Variants in MYRF observed in about 807,000 individuals in gnomAD.
The protein encoded by MYRF is myelin gene regulatory factor.
In MYRF, 16 loss-of-function variants were observed where a neutral mutation model predicts 126.3. The observed-to-expected ratio is 0.13, with a 90% CI of 0.09 to 0.19. MYRF has a LOEUF of 0.19. MYRF is among the 10% of genes least tolerant of loss of function. MYRF has a pLI of 1.00. For synonymous variants in MYRF, 608 were observed against 635.3 expected, an observed-to-expected ratio of 0.96 and a Z score of 0.65; for missense variants, 1,104 against 1,547.0, an observed-to-expected ratio of 0.71 and a Z score of 4.80.
intron 1 of MYRF, among the ~76,000 whole-genome samples, chr11:61,765,182 A>C (rs906960444): frequency 1.3e-5 from 2 of 152,194 alleles, no homozygotes; most frequent in African/African-American, 4.8e-5. Context: ...GTTGGGTCCG[A>C]GCCATCCCAT....
rs2066729956 is a variant in MYRF, at chr11:61,787,879, C to T, written c.*1736C>T. On this transcript the variant is annotated 3_prime_UTR_variant, in exon 27 of 27. Transcript: ENST00000278836. Reference sequence around the variant, plus strand: ...GTTCTTGGACTGCGGGCCCTCAGTCCTTAACTGGAAAGTGACCGTCCACTG... The same window carrying T: ...GTTCTTGGACTGCGGGCCCTCAGTCTTTAACTGGAAAGTGACCGTCCACTG... The T allele has an allele frequency of 6.5e-6, 1 of 152,692 alleles. No homozygotes were observed. The highest frequency in any genetic ancestry group is 6.5e-5 in the Admixed American group (1 of 15,284). 9.5% of individuals were successfully genotyped at this position (152,692 alleles called of 1,614,324 possible). A position where few individuals can be genotyped will look rare whatever the true frequency, so the allele number is the denominator to read the frequency against.
At chr11:61,785,928 G>A (rs1402894451) in intron 26 of MYRF, 54 bp downstream of exon 26, 31 of 1,582,236 alleles carry the variant, frequency 2.0e-5, no homozygotes, top group South Asian at 1.5e-4. Flanking sequence ...TGTCTGCGAC[G>A]TGGGGCTTGA....
rs1362996582 is a variant in MYRF, at chr11:61,776,597, G to C, written c.1499+165G>C. 6.6e-6 allele frequency among the ~76,000 whole-genome samples: 1 copy of C among 152,134 alleles called. No individual in the cohort carries two copies. The highest frequency in any genetic ancestry group is 2.1e-4 in the South Asian group (1 of 4,832). ...TGACTTAAGGATGGGAAGAGCAGAAGCCTGGCTTCTGGGTTGAGAAACAGC... is the reference window on the plus strand; with the variant it reads ...TGACTTAAGGATGGGAAGAGCAGAACCCTGGCTTCTGGGTTGAGAAACAGC... On this transcript the variant is annotated intron_variant, in intron 10 of 26. Transcript: ENST00000278836. The surrounding 1 kb of genome is among the most constrained non-coding windows in gnomAD (Gnocchi z 4.3).
rs1042570160 is a variant in MYRF at position 61,755,795 on chromosome 11, C to G, written c.46+3005C>G. On this transcript the variant is annotated intron_variant, in intron 1 of 26. Coordinates refer to ENST00000278836, the MANE Select transcript of MYRF (RefSeq NM_001127392.3). ...GGCACATGAGGCTCGAGTGAGCAAC[C>G]AGTGTCCCCCAGAAAGCAGGTGGGT... 12 of 523,118 alleles carry G rather than the reference C, an allele frequency of 2.3e-5. No homozygotes were observed. The East Asian group carries it at 5.9e-4, about 26-fold the overall frequency. The allele number at this position is 523,118 out of a possible 1,614,324, so 32.4% of individuals were successfully genotyped here.
At chr11:61,760,905 T>G (rs978624838) in intron 1 of MYRF, among the ~76,000 whole-genome samples, 1 of 152,154 alleles carries the variant, frequency 6.6e-6, no homozygotes, top group Non-Finnish European at 1.5e-5. Flanking sequence ...CCTTGACTGC[T>G]ACCACCCTGG....
At chr11:61,754,582 C>G (rs1367352668) in intron 1 of MYRF, 1 of 152,398 alleles carries the variant, frequency 6.6e-6, no homozygotes, top group Non-Finnish European at 1.5e-5. Context: ...ACGCTGGGCC[C>G]TGACAGAGAG....
intron 1 of MYRF, among the ~76,000 whole-genome samples, chr11:61,761,265 G>C (rs527917764): frequency 6.6e-6 from 1 of 151,618 alleles, no homozygotes; most frequent in Non-Finnish European, 1.5e-5. Context: ...CTGGTGGGGG[G>C]GGGGGCACAT....
chr11:61,778,785 A>T lies in MYRF; in HGVS notation c.2013+296A>T, dbSNP rs942034731. The T allele has an allele frequency of 1.7e-6, 1 of 587,202 alleles. No homozygotes were observed. Among genetic ancestry groups the T allele is most frequent in the Non-Finnish European group, 3.2e-6 (1 of 311,674 alleles). 36.4% of individuals were successfully genotyped at this position (587,202 alleles called of 1,614,324 possible). ...TGAGGGCGGTAATAGAACTGCACAG[A>T]CATCCTCGTATGGTTACCTCCAGGC... On this transcript the variant is annotated intron_variant, in intron 14 of 26. Transcript: ENST00000278836. The surrounding 1 kb of genome is among the most constrained non-coding windows in gnomAD (Gnocchi z 4.6).
chr11:61,767,097 T>C (rs758445181), intron 3 of MYRF: 1 of 456,578 alleles, frequency 2.2e-6, no homozygotes, highest in South Asian at 1.5e-5. Context: ...CCTGGGTGCA[T>C]GGTGGCCATG....
At chr11:61,771,423 G>A in intron 5 of MYRF, 77 bp from the exon 6 acceptor site, 1 of 1,542,106 alleles carries the variant, frequency 6.5e-7, no homozygotes, top group Non-Finnish European at 8.7e-7. Flanking sequence ...GCTAGAGAGG[G>A]GAGAGAGGTG....
Position 61,776,423 on chromosome 11 carries a change from C to T in MYRF, c.1490C>T (p.Pro497Leu). ...ATGCGTAAGAAGGGCAAGCCCAACC[C>T]GGACCAGAGGTGAGCAGGTGGGGGC... ...NNMRKKGKPN[P>L]DQRYFMLVVA... is the part of the protein sequence containing the mutation. The change falls in exon 10 of 27, where the codon CCG (proline) becomes CTG (leucine). Residue 497 changes from proline (P) to leucine (L), a missense_variant. Coordinates refer to ENST00000278836, the MANE Select transcript of MYRF (RefSeq NM_001127392.3). This position sits in a 1 kb window ranked among gnomAD's most constrained non-coding sequence, Gnocchi z 4.3. 1.9e-6 allele frequency: 3 copies of T among 1,612,248 alleles called. No homozygotes were observed. Among genetic ancestry groups the T allele is most frequent in the Non-Finnish European group, 2.5e-6 (3 of 1,179,588 alleles).
Position 61,778,861 on chromosome 11 carries a change from A to G in MYRF, c.2013+372A>G, listed in dbSNP as rs943579799. On this transcript the variant is annotated intron_variant, in intron 14 of 26. Transcript: ENST00000278836. This position sits in a 1 kb window ranked among gnomAD's most constrained non-coding sequence, Gnocchi z 4.6. ...CGACGTTTGTCACTTACCTGTCCTG[A>G]GTCTGGGCGCCAAGGAGGCATGTAA... 2.0e-5 allele frequency: 11 copies of G among 547,110 alleles called. No homozygotes were observed. The highest frequency in any genetic ancestry group is 6.7e-5 in the Admixed American group (3 of 45,090). The allele number at this position is 547,110 out of a possible 1,614,324, so 33.9% of individuals were successfully genotyped here.
Position 61,766,214 on chromosome 11 carries a change from G to A in MYRF, c.391G>A (p.Ala131Thr), listed in dbSNP as rs1412304259. The A allele has an allele frequency of 6.2e-7, 1 of 1,605,326 alleles. No homozygotes were observed. The stretch of plus-strand genomic sequence containing the variant: ...CAAGGCTGAGCCCAAGGCTCCCTAT[G>A]CCCCAGGGTGAGTAAGGGCAGGGAG... ...PIKAEPKAPYAPGTLPDSPPD... is the reference protein window; with the variant it reads ...PIKAEPKAPYTPGTLPDSPPD... Residue 131 changes from alanine (A) to threonine (T), a missense_variant, in exon 3 of 27, where the codon GCC (alanine) becomes ACC (threonine). By Grantham distance (58) the Ala-to-Thr change is moderately conservative (BLOSUM62 0). Transcript: ENST00000278836.
chr11:61,761,262 G>GGT lies in MYRF; in HGVS notation c.47-4362_47-4361insTG, dbSNP rs199979096. ...CTCAGCCAACGGCCACAGCTGGTGG[G>GGT]GGGGGGGGCACATAAGCACAAGGAG... On this transcript the variant is annotated intron_variant, in intron 1 of 26. Transcript: ENST00000278836. 3.5e-5 allele frequency among the ~76,000 whole-genome samples: 5 copies of GGT among 144,050 alleles called. No individual in the cohort carries two copies. In the South Asian group the frequency reaches 6.5e-4, roughly 19 times the overall value. 94.5% of individuals were successfully genotyped at this position (144,050 alleles called of 152,430 possible). A position where few individuals can be genotyped will look rare whatever the true frequency, so the allele number is the denominator to read the frequency against.
intron 25 of MYRF, 22 bp from the exon 26 acceptor site, chr11:61,785,778 C>T (rs1396435278): frequency 6.2e-7 from 1 of 1,607,672 alleles, no homozygotes; most frequent in South Asian, 1.1e-5. Context: ...TCTGTCCTGA[C>T]CCCTCTCTCC....
intron 1 of MYRF, among the ~76,000 whole-genome samples, chr11:61,759,427 T>C (rs2065846460): frequency 6.6e-6 from 1 of 152,154 alleles, no homozygotes. Context: ...CCCAGCACTT[T>C]GGGAGGCCGA....
intron 1 of MYRF, among the ~76,000 whole-genome samples, chr11:61,762,835 C>G (rs916137931): frequency 6.6e-6 from 1 of 152,208 alleles, no homozygotes; most frequent in African/African-American, 2.4e-5. Flanking sequence ...CCCCGCAACG[C>G]TGCCCCATCA....
rs371083087 is a variant in MYRF, at chr11:61,776,901, C to A, written c.1590+24C>A. Reference sequence around the variant, plus strand: ...GGGTGAGGGCCACCTCCTCCCAGGGCGTAGACAGCCCTCCCCAGGACTGGG... The same window carrying A: ...GGGTGAGGGCCACCTCCTCCCAGGGAGTAGACAGCCCTCCCCAGGACTGGG... On this transcript the variant is annotated intron_variant, in intron 11 of 26. Transcript: ENST00000278836. This position sits in a 1 kb window ranked among gnomAD's most constrained non-coding sequence, Gnocchi z 4.3. 1 of 1,564,062 alleles carries A rather than the reference C, an allele frequency of 6.4e-7. No individual in the cohort carries two copies.
At position 61,783,972 on chromosome 11, in the gene MYRF, G is replaced by A. The variant is rs1204129406; in HGVS notation, c.3194+47G>A. The A allele has an allele frequency of 6.4e-7, 1 of 1,559,374 alleles. No individual in the cohort carries two copies. Among genetic ancestry groups the A allele is most frequent in the Admixed American group, 1.9e-5 (1 of 53,806 alleles). On this transcript the variant is annotated intron_variant, in intron 24 of 26. Coordinates refer to ENST00000278836, the MANE Select transcript of MYRF (RefSeq NM_001127392.3). This position sits in a 1 kb window ranked among gnomAD's most constrained non-coding sequence, Gnocchi z 4.6. ...TGGGAGGCAGGAGGGGAGCCAGGGA[G>A]AATCTCCCGCAGAGCCTCAGAACAG...
Sources: allele counts gnomAD v4.1 joint callset (sites outside exome capture counted in the v4.1 genomes callset), GRCh38; gene constraint gnomAD v4.1.1; non-coding constraint Gnocchi (gnomAD v3.1); transcripts MANE v1.5; gene names NCBI Gene and HGNC (gene_info 2026-07-23, HGNC 2026-07-21).